The following POU6F2 variants were observed in gnomAD, a reference collection of about 807,000 sequenced individuals.
POU6F2 encodes POU class 6 homeobox 2.
Under a neutral mutation model 71.3 loss-of-function variants are expected in POU6F2, and 31 were observed. The ratio of observed to expected loss-of-function variants is 0.43; its 90% CI spans 0.33 to 0.59. The LOEUF (loss-of-function observed/expected upper bound fraction) is 0.59, where lower values mean the gene tolerates loss of function less well. POU6F2 is among the 20% of genes least tolerant of loss of function. The pLI, the probability that POU6F2 is intolerant of heterozygous loss-of-function variation, is 0.04. For missense variants in POU6F2, 783 were observed against 856.8 expected, an observed-to-expected ratio of 0.91 and a Z score of 1.07; for synonymous variants, 347 against 355.7, an observed-to-expected ratio of 0.98 and a Z score of 0.27.
chr7:39,147,933 T>A (rs1297690676), intron 2 of POU6F2, among the ~76,000 whole-genome samples: 1 of 152,186 alleles, frequency 6.6e-6, no homozygotes, highest in African/African-American at 2.4e-5. Context: ...TCATGCACAC[T>A]CTCCAAATCT....
chr7:39,443,020 G>A (rs1001835016), intron 7 of POU6F2, among the ~76,000 whole-genome samples: 1 of 152,078 alleles, frequency 6.6e-6, no homozygotes, highest in Non-Finnish European at 1.5e-5. Flanking sequence ...CTAACCCCTT[G>A]CTCACAGCAG....
At chr7:39,428,882 G>A (rs972628466) in intron 6 of POU6F2, among the ~76,000 whole-genome samples, 5 of 148,218 alleles carry the variant, frequency 3.4e-5, no homozygotes, top group Admixed American at 2.8e-4. Context: ...ACCAAACACC[G>A]CATGTTCTCG....
intron 8 of POU6F2, among the ~76,000 whole-genome samples, chr7:39,456,227 G>A (rs529788613): frequency 3.9e-5 from 6 of 152,260 alleles, no homozygotes; most frequent in African/African-American, 1.4e-4. Context: ...CATCAAGGTG[G>A]CCTTCAGATT....
At chr7:39,132,872 C>CT (rs577219636) in intron 2 of POU6F2, among the ~76,000 whole-genome samples, 12 of 152,072 alleles carry the variant, frequency 7.9e-5, no homozygotes, top group Non-Finnish European at 1.8e-4. Flanking sequence ...TCAGGACTGC[C>CT]TTTTTTCCCC....
At chr7:39,253,120 C>A (rs1035870501) in intron 4 of POU6F2, among the ~76,000 whole-genome samples, 2 of 152,178 alleles carry the variant, frequency 1.3e-5, no homozygotes, top group Non-Finnish European at 2.9e-5. Flanking sequence ...GAGGAAAGAA[C>A]CCACGCAGAG....
chr7:38,978,557 C>T (rs1788236483), intron 1 of POU6F2, among the ~76,000 whole-genome samples: 1 of 152,096 alleles, frequency 6.6e-6, no homozygotes, highest in South Asian at 2.1e-4. Flanking sequence ...ACTTCTAACC[C>T]AGATAATGTG....
intron 4 of POU6F2, among the ~76,000 whole-genome samples, chr7:39,336,414 G>A (rs564524263): frequency 4.6e-5 from 7 of 152,114 alleles, no homozygotes; most frequent in Non-Finnish European, 8.8e-5. Context: ...AGGCTGTCTG[G>A]CTTCTTTCAC....
chr7:39,147,210 G>A (rs1267499636), intron 2 of POU6F2, among the ~76,000 whole-genome samples: 1 of 152,026 alleles, frequency 6.6e-6, no homozygotes, highest in Non-Finnish European at 1.5e-5. Context: ...ATATTCGGTT[G>A]GTACAAAAGT....
rs149810394 is a variant in POU6F2, at chr7:39,390,606, C to T, written c.973-15994C>T. ...GCATCTAGGTTTGGAAGATAGAGTC[C>T]TTCCTTTAGCTGTAGTTGATGAGAA... On this transcript the variant is annotated intron_variant, in intron 5 of 9. Transcript: ENST00000518318. Among the ~76,000 whole-genome samples the T allele has an allele frequency of 3.1e-3, 469 of 152,248 alleles. 3 individuals carry two copies. Among genetic ancestry groups the T allele is most frequent in the African/African-American group, 0.011 (453 of 41,544 alleles).
intron 1 of POU6F2, among the ~76,000 whole-genome samples, chr7:39,014,488 C>T (rs1276457477): frequency 6.6e-6 from 1 of 152,154 alleles, no homozygotes; most frequent in East Asian, 1.9e-4. Flanking sequence ...AATCTTTCTC[C>T]TACGCCTTGG....
intron 1 of POU6F2, among the ~76,000 whole-genome samples, chr7:38,992,493 G>C (rs1279279754): frequency 6.6e-6 from 1 of 152,140 alleles, no homozygotes. Context: ...ACGTGAAGAG[G>C]GGACACGAGG....
At chr7:39,147,541 A>G (rs545358052) in intron 2 of POU6F2, among the ~76,000 whole-genome samples, 18 of 152,328 alleles carry the variant, frequency 1.2e-4, no homozygotes, top group African/African-American at 4.3e-4. Context: ...TATGAAACAT[A>G]CTTTGAAAGG....
chr7:39,164,008 T>C (rs1321692749), intron 2 of POU6F2, among the ~76,000 whole-genome samples: 1 of 152,090 alleles, frequency 6.6e-6, no homozygotes, highest in Non-Finnish European at 1.5e-5. Flanking sequence ...AGAAGTAAGT[T>C]CAAGAGATCT....
At chr7:39,003,145 G>C (rs1171641286) in intron 1 of POU6F2, among the ~76,000 whole-genome samples, 1 of 152,114 alleles carries the variant, frequency 6.6e-6, no homozygotes, top group Non-Finnish European at 1.5e-5. Flanking sequence ...AATACAGAAA[G>C]ATGAGATGCA....
intron 1 of POU6F2, among the ~76,000 whole-genome samples, chr7:39,070,727 T>C (rs1280695696): frequency 2.6e-5 from 4 of 152,186 alleles, no homozygotes; most frequent in Non-Finnish European, 5.9e-5. Flanking sequence ...GTCCCTTCAC[T>C]GTGAGACCTC....
At chr7:39,072,151 G>C (rs1202438600) in intron 1 of POU6F2, among the ~76,000 whole-genome samples, 1 of 152,082 alleles carries the variant, frequency 6.6e-6, no homozygotes, top group Non-Finnish European at 1.5e-5. Context: ...TTGTGTTGTG[G>C]GGAAACAGAA....
chr7:39,060,520 T>G (rs755163675), intron 1 of POU6F2, among the ~76,000 whole-genome samples: 6 of 152,146 alleles, frequency 3.9e-5, no homozygotes, highest in Non-Finnish European at 7.4e-5. Flanking sequence ...ACTAAATATA[T>G]GAAAATCTAC....
At chr7:39,238,510 G>A (rs1191667547) in intron 4 of POU6F2, among the ~76,000 whole-genome samples, 1 of 152,180 alleles carries the variant, frequency 6.6e-6, no homozygotes, top group Non-Finnish European at 1.5e-5. Flanking sequence ...TGCTACAATG[G>A]CAGAGTTGAA....
chr7:39,445,046 G>T (rs1234181089), intron 7 of POU6F2, among the ~76,000 whole-genome samples: 1 of 152,074 alleles, frequency 6.6e-6, no homozygotes, highest in African/African-American at 2.4e-5. Flanking sequence ...TTCCTCAAAA[G>T]GTAATCTTGG....
Sources: allele counts gnomAD v4.1 joint callset (sites outside exome capture counted in the v4.1 genomes callset), GRCh38; gene constraint gnomAD v4.1.1; transcripts MANE v1.5; gene names NCBI Gene and HGNC (gene_info 2026-07-23, HGNC 2026-07-21).